Variants in FARS2 observed in about 807,000 individuals in gnomAD.
The protein encoded by FARS2 is phenylalanine--tRNA ligase, mitochondrial.
In FARS2, 40 loss-of-function variants were observed where a neutral mutation model predicts 46.4. That is an observed-to-expected ratio of 0.86 (90% CI 0.67 to 1.12). FARS2 has a LOEUF of 1.12. FARS2 is among the 50% of genes most tolerant of loss of function. The pLI is 0.00. For missense variants in FARS2, 513 were observed against 567.9 expected, an observed-to-expected ratio of 0.90 and a Z score of 0.98; for synonymous variants, 234 against 214.9, an observed-to-expected ratio of 1.09 and a Z score of -0.78.
intron 6 of FARS2, among the ~76,000 whole-genome samples, chr6:5,757,953 GT>G (rs1219101428): frequency 1.7e-4 from 26 of 152,358 alleles, no homozygotes; most frequent in African/African-American, 6.3e-4. Flanking sequence ...TTTAAAAGTT[GT>G]TTTCATAGAG....
At chr6:5,605,802 T>G (rs144147364) in intron 5 of FARS2, among the ~76,000 whole-genome samples, 3 of 151,484 alleles carry the variant, frequency 2.0e-5, no homozygotes, top group Non-Finnish European at 4.4e-5. Context: ...TAATAACCAT[T>G]AAACAAAAAA....
At chr6:5,531,139 A>C (rs78668274) in intron 4 of FARS2, among the ~76,000 whole-genome samples, 18,070 of 152,032 alleles carry the variant, frequency 0.12, 1,170 homozygotes, top group East Asian at 0.22. Flanking sequence ...GCCTATGAGC[A>C]TCCTAGCAGA....
chr6:5,594,220 G>T (rs1373438556), intron 5 of FARS2, among the ~76,000 whole-genome samples: 1 of 152,196 alleles, frequency 6.6e-6, no homozygotes, highest in Non-Finnish European at 1.5e-5. Context: ...GAGGGAGCTG[G>T]TACCTTTGAA....
chr6:5,399,301 A>G (rs909390485), intron 2 of FARS2, among the ~76,000 whole-genome samples: 1 of 151,610 alleles, frequency 6.6e-6, no homozygotes, highest in Non-Finnish European at 1.5e-5. Context: ...CAGCCTCCCA[A>G]GTAGCTGGGA....
chr6:5,540,255 T>C (rs963469789), intron 4 of FARS2, among the ~76,000 whole-genome samples: 4 of 152,238 alleles, frequency 2.6e-5, no homozygotes, highest in Non-Finnish European at 4.4e-5. Flanking sequence ...GTTTCTGATA[T>C]TTCTATTTTG....
chr6:5,546,233 T>C (rs1223130660), intron 5 of FARS2, among the ~76,000 whole-genome samples: 1 of 150,300 alleles, frequency 6.7e-6, no homozygotes, highest in Non-Finnish European at 1.5e-5. Context: ...ATTATTAGTC[T>C]AAGCAGAGAA....
At chr6:5,405,480 C>CTTGTTTTTTTTTTTTT (rs1761518955) in intron 3 of FARS2, among the ~76,000 whole-genome samples, 1 of 58,946 alleles carries the variant, frequency 1.7e-5, no homozygotes, top group African/African-American at 6.5e-5. Context: ...GAGCAAGGTT[C>CTTGTTTTTTTTTTTTT]TTTTTTTTTT....
At chr6:5,355,418 G>A (rs1003123245) in intron 1 of FARS2, among the ~76,000 whole-genome samples, 5 of 144,160 alleles carry the variant, frequency 3.5e-5, no homozygotes, top group South Asian at 2.2e-4. Flanking sequence ...TCACCCAGGC[G>A]TGATCTCAAC....
intron 5 of FARS2, among the ~76,000 whole-genome samples, chr6:5,556,437 T>G (rs1164940810): frequency 6.6e-6 from 1 of 151,878 alleles, no homozygotes; most frequent in Non-Finnish European, 1.5e-5. Context: ...TACCGTCAGT[T>G]TCCATCTTCA....
intron 1 of FARS2, among the ~76,000 whole-genome samples, chr6:5,304,052 C>G (rs1234161286): frequency 6.6e-6 from 1 of 151,986 alleles, no homozygotes; most frequent in African/African-American, 2.4e-5. Context: ...GGCTCTGTAT[C>G]CTTGAGATCA....
At chr6:5,722,386 G>A (rs1053277115) in intron 6 of FARS2, among the ~76,000 whole-genome samples, 1 of 152,144 alleles carries the variant, frequency 6.6e-6, no homozygotes, top group African/African-American at 2.4e-5. Context: ...CTTGTAAAGG[G>A]GGAAGATAGA....
At chr6:5,580,933 CAG>C (rs1773293721) in intron 5 of FARS2, among the ~76,000 whole-genome samples, 1 of 152,226 alleles carries the variant, frequency 6.6e-6, no homozygotes. Flanking sequence ...GAACGATAAA[CAG>C]AACCTTTGGG....
intron 5 of FARS2, among the ~76,000 whole-genome samples, chr6:5,586,591 C>T (rs1480754788): frequency 1.3e-5 from 2 of 152,098 alleles, no homozygotes; most frequent in Non-Finnish European, 1.5e-5. Context: ...ATTTAATGTA[C>T]TAGTATTTTG....
chr6:5,576,471 G>A lies in FARS2; in HGVS notation c.1065+31131G>A, dbSNP rs575558566. Among the ~76,000 whole-genome samples, 7 of 151,752 alleles carry A rather than the reference G, an allele frequency of 4.6e-5. No homozygotes were observed. In the East Asian group the frequency reaches 1.4e-3, roughly 29 times the overall value. ...TTTTGGCACTCGTACTGGCTTTCGT[G>A]CTCCTCAGCTTGCACATGGCCTATT... On this transcript the variant is annotated intron_variant, in intron 5 of 6. Coordinates refer to ENST00000274680, the MANE Select transcript of FARS2 (RefSeq NM_006567.5).
intron 1 of FARS2, among the ~76,000 whole-genome samples, chr6:5,358,857 A>G (rs1163813247): frequency 2.0e-5 from 3 of 152,036 alleles, no homozygotes; most frequent in Non-Finnish European, 4.4e-5. Flanking sequence ...TCTAAAAGTT[A>G]TATTTTTCTA....
intron 2 of FARS2, among the ~76,000 whole-genome samples, chr6:5,393,711 G>A (rs750366807): frequency 6.6e-6 from 1 of 152,180 alleles, no homozygotes; most frequent in Admixed American, 6.5e-5. Flanking sequence ...GTTTACCAGT[G>A]TGAGGTATAA....
Position 5,471,504 on chromosome 6 carries a change from A to G in FARS2, c.904+40332A>G, listed in dbSNP as rs1765805440. 3.3e-5 allele frequency among the ~76,000 whole-genome samples: 5 copies of G among 152,260 alleles called. No homozygotes were observed. On this transcript the variant is annotated intron_variant, in intron 4 of 6. Coordinates refer to ENST00000274680, the MANE Select transcript of FARS2 (RefSeq NM_006567.5). The surrounding 1 kb of genome is among the most constrained non-coding windows in gnomAD (Gnocchi z 4.1). ...GAATAATTCCTTTAATGAAGGACAT[A>G]TGAGATTTTTGCTTGAAGTAAATGT...
intron 6 of FARS2, among the ~76,000 whole-genome samples, chr6:5,750,758 G>A (rs532615369): frequency 2.0e-5 from 3 of 152,240 alleles, no homozygotes; most frequent in South Asian, 4.1e-4. Flanking sequence ...CTTTGAAAGC[G>A]TTTCTTGGTG....
At chr6:5,517,798 T>C (rs1461093545) in intron 4 of FARS2, among the ~76,000 whole-genome samples, 1 of 152,196 alleles carries the variant, frequency 6.6e-6, no homozygotes, top group East Asian at 1.9e-4. Context: ...CAACTTTGCC[T>C]GTTTCTTTTC....
Sources: gnomAD v4.1 joint callset for allele counts (sites outside exome capture counted in the v4.1 genomes callset) on GRCh38, gnomAD v4.1.1 for gene constraint, Gnocchi (gnomAD v3.1) non-coding constraint, MANE v1.5 for transcripts, NCBI Gene and HGNC (gene_info 2026-07-23, HGNC 2026-07-21) for gene names.